Variants in PPP2R5E observed in about 807,000 individuals in gnomAD.
PPP2R5E encodes the protein protein phosphatase 2 regulatory subunit B'epsilon, also known as serine/threonine-protein phosphatase 2A 56 kDa regulatory subunit epsilon isoform.
PPP2R5E carries 4 observed loss-of-function variants against 65.3 expected under a neutral mutation model. The ratio of observed to expected loss-of-function variants is 0.06; its 90% CI spans 0.03 to 0.14. The LOEUF (loss-of-function observed/expected upper bound fraction) is 0.14. Ranked by LOEUF, PPP2R5E falls within the 10% of genes least tolerant of loss-of-function variation. The pLI, the probability that PPP2R5E is intolerant of heterozygous loss-of-function variation, is 1.00. For synonymous variants in PPP2R5E, 183 were observed against 187.4 expected (o/e 0.98, Z 0.19); for missense variants, 274 against 556.1 (o/e 0.49, Z 5.10).
chr14:63,384,373 C>T, intron 12 of PPP2R5E, 71 bp downstream of exon 12: 3 of 1,530,410 alleles, frequency 2.0e-6, no homozygotes, highest in Non-Finnish European at 2.7e-6. Flanking sequence ...GCATCTGGCA[C>T]ATAATAAGGC....
At chr14:63,402,175 G>A (rs1885792306) in intron 5 of PPP2R5E, among the ~76,000 whole-genome samples, 1 of 152,166 alleles carries the variant, frequency 6.6e-6, no homozygotes, top group Admixed American at 6.5e-5. Flanking sequence ...TCCCAATTCT[G>A]TATAAGTCAG....
rs1555353678 is a variant in PPP2R5E at position 63,374,634 on chromosome 14, G to GATTATATATATATATATATATATAT, written c.*1374_*1375insATATATATATATATATATATATAAT. On this transcript the variant is annotated 3_prime_UTR_variant, in exon 14 of 14. Transcript: ENST00000337537. ...TAAATACAAAGCAGAGAGCCAATAA[G>GATTATATATATATATATATATATAT]ATATATATATATATATATATATATA... The GATTATATATATATATATATATATAT allele has an allele frequency of 6.1e-4, 67 of 109,548 alleles. 3 individuals carry two copies. The highest frequency in any genetic ancestry group is 3.0e-3 in the African/African-American group (61 of 20,648). The allele number at this position is 109,548 out of a possible 1,614,324, so 6.8% of individuals were successfully genotyped here.
intron 1 of PPP2R5E, among the ~76,000 whole-genome samples, chr14:63,541,520 C>T (rs1325407200): frequency 5.3e-5 from 8 of 152,314 alleles, no homozygotes; most frequent in South Asian, 2.1e-4. Context: ...CCAAATTAAA[C>T]AGATGCCATC....
intron 5 of PPP2R5E, among the ~76,000 whole-genome samples, chr14:63,411,628 C>T (rs1242021770): frequency 1.5e-5 from 2 of 133,264 alleles, no homozygotes; most frequent in African/African-American, 5.7e-5. Context: ...TGAGTTCTCA[C>T]TCTATTAGCT....
intron 2 of PPP2R5E, among the ~76,000 whole-genome samples, chr14:63,522,391 C>T (rs1892957832): frequency 6.6e-6 from 1 of 151,662 alleles, no homozygotes; most frequent in Admixed American, 6.6e-5. Flanking sequence ...AGGAGCGTCT[C>T]TGCCTGGCCG....
At chr14:63,409,887 T>C (rs982731973) in intron 5 of PPP2R5E, among the ~76,000 whole-genome samples, 3 of 152,250 alleles carry the variant, frequency 2.0e-5, no homozygotes, top group Non-Finnish European at 4.4e-5. Context: ...AAAGTCATAC[T>C]GCAAGTAGGC....
intron 2 of PPP2R5E, among the ~76,000 whole-genome samples, chr14:63,529,278 T>G (rs373029737): frequency 2.6e-5 from 4 of 152,160 alleles, no homozygotes; most frequent in Admixed American, 6.5e-5. Flanking sequence ...TTTTTTTTCT[T>G]TTCTTTTTGA....
intron 2 of PPP2R5E, among the ~76,000 whole-genome samples, chr14:63,499,259 A>G (rs1052335251): frequency 6.6e-6 from 1 of 152,224 alleles, no homozygotes; most frequent in Non-Finnish European, 1.5e-5. Context: ...AGCTGCCTAA[A>G]AGAGAGAAAA....
At chr14:63,441,515 T>C (rs1160072513) in intron 3 of PPP2R5E, among the ~76,000 whole-genome samples, 2 of 152,224 alleles carry the variant, frequency 1.3e-5, no homozygotes, top group Admixed American at 6.5e-5. Flanking sequence ...GCATCCAGCA[T>C]AGATATTTAG....
chr14:63,524,923 C>G (rs532400677), intron 2 of PPP2R5E, among the ~76,000 whole-genome samples: 1 of 152,326 alleles, frequency 6.6e-6, no homozygotes, highest in South Asian at 2.1e-4. Context: ...ATCACCCCAG[C>G]ACAGTATGAC....
intron 5 of PPP2R5E, among the ~76,000 whole-genome samples, chr14:63,397,092 C>T (rs1442555277): frequency 6.6e-6 from 1 of 152,198 alleles, no homozygotes; most frequent in Non-Finnish European, 1.5e-5. Context: ...AGTAACGTGC[C>T]CACGGTCTCA....
chr14:63,454,392 A>G (rs1889010571), intron 2 of PPP2R5E, among the ~76,000 whole-genome samples: 1 of 152,158 alleles, frequency 6.6e-6, no homozygotes, highest in South Asian at 2.1e-4. Context: ...CTTGATCTGT[A>G]TGAAGTTTCT....
intron 2 of PPP2R5E, among the ~76,000 whole-genome samples, chr14:63,537,341 A>G (rs1893705646): frequency 1.3e-5 from 2 of 152,210 alleles, no homozygotes; most frequent in Admixed American, 1.3e-4. Context: ...ACTAAAAACC[A>G]GTGTCTCCCA....
chr14:63,433,038 T>G lies in PPP2R5E; in HGVS notation c.355-10944A>C, dbSNP rs999779033. 6.7e-4 allele frequency among the ~76,000 whole-genome samples: 93 copies of G among 139,664 alleles called. 2 individuals carry two copies. The highest frequency in any genetic ancestry group is 3.5e-3 in the Middle Eastern group (1 of 284). 91.6% of individuals were successfully genotyped at this position (139,664 alleles called of 152,430 possible). On this transcript the variant is annotated intron_variant, in intron 3 of 13. Coordinates refer to ENST00000337537, the MANE Select transcript of PPP2R5E (RefSeq NM_006246.5). ...TTGTTTTTTGTTTTGTTTTGTTTTTTTTTTTTTTTTTTTTTTTGAGACAGG... is the reference window on the plus strand; with the variant it reads ...TTGTTTTTTGTTTTGTTTTGTTTTTGTTTTTTTTTTTTTTTTTGAGACAGG...
intron 7 of PPP2R5E, 101 bp from the exon 8 acceptor site, chr14:63,394,029 C>T (rs1273083828): frequency 7.8e-6 from 3 of 384,822 alleles, no homozygotes; most frequent in Non-Finnish European, 9.9e-6. Context: ...TTTGTTTGTA[C>T]AAAACAACAT....
intron 2 of PPP2R5E, among the ~76,000 whole-genome samples, chr14:63,484,461 C>G (rs888489156): frequency 1.9e-4 from 29 of 152,078 alleles, no homozygotes; most frequent in Middle Eastern, 3.4e-3. Context: ...AACTTGCTCA[C>G]ATGAACACTA....
chr14:63,389,470 T>G, intron 11 of PPP2R5E, 142 bp downstream of exon 11: 2 of 974,872 alleles, frequency 2.1e-6, no homozygotes, highest in Non-Finnish European at 1.4e-6. Context: ...CAAGATAAGC[T>G]GGCCACTATT....
intron 2 of PPP2R5E, among the ~76,000 whole-genome samples, chr14:63,488,594 A>C (rs1284892100): frequency 6.6e-6 from 1 of 152,164 alleles, no homozygotes. Flanking sequence ...CATGCCTGTA[A>C]TCCCAGCACT....
chr14:63,412,729 G>A (rs1244539425), intron 5 of PPP2R5E, among the ~76,000 whole-genome samples: 1 of 152,186 alleles, frequency 6.6e-6, no homozygotes, highest in East Asian at 1.9e-4. Flanking sequence ...GGATTGGCGA[G>A]GAGAAAAGTC....
Sources: gnomAD v4.1 joint callset for allele counts (sites outside exome capture counted in the v4.1 genomes callset) on GRCh38, gnomAD v4.1.1 for gene constraint, MANE v1.5 for transcripts, NCBI Gene and HGNC (gene_info 2026-07-23, HGNC 2026-07-21) for gene names.